Variants in HMGA2 observed in about 807,000 individuals in gnomAD.
HMGA2 encodes high mobility group AT-hook 2.
A neutral mutation model predicts 19.1 loss-of-function variants in HMGA2; 8 were observed. The observed-to-expected ratio is 0.42, with a 90% confidence interval of 0.25 to 0.76. The LOEUF is 0.76. Among genes scored for constraint, HMGA2 ranks in the 30% least tolerant of loss-of-function variants. The pLI is 0.28. For synonymous variants in HMGA2, 60 were observed against 48.8 expected (o/e 1.23, Z -0.96); for missense variants, 109 against 136.3 (o/e 0.80, Z 1.00).
chr12:65,943,557 A>C (rs1323040671), intron 3 of HMGA2, among the ~76,000 whole-genome samples: 3 of 152,202 alleles, frequency 2.0e-5, no homozygotes, highest in Non-Finnish European at 2.9e-5. Context: ...TACTTTTGAA[A>C]TGATGCTTAC....
intron 2 of HMGA2, among the ~76,000 whole-genome samples, chr12:65,831,455 TA>T (rs201721319): frequency 0.046 from 6,795 of 147,302 alleles, 215 homozygotes; most frequent in Middle Eastern, 0.077. Context: ...AAAATGAAAA[TA>T]AAAAAAAAAG....
intron 3 of HMGA2, among the ~76,000 whole-genome samples, chr12:65,923,359 C>G (rs79606249): frequency 6.6e-6 from 1 of 152,128 alleles, no homozygotes; most frequent in Non-Finnish European, 1.5e-5. Flanking sequence ...GTTCTGAAGA[C>G]TGGGGGTTAG....
intron 4 of HMGA2, among the ~76,000 whole-genome samples, chr12:65,962,613 GCA>G (rs1231788281): frequency 2.0e-5 from 3 of 152,164 alleles, no homozygotes; most frequent in Non-Finnish European, 4.4e-5. Context: ...CACTGCCTCT[GCA>G]CAGTGGTGTA....
chr12:65,940,688 T>A (rs1305194299), intron 3 of HMGA2, among the ~76,000 whole-genome samples: 1 of 152,088 alleles, frequency 6.6e-6, no homozygotes, highest in African/African-American at 2.4e-5. Flanking sequence ...TGTAGAATAG[T>A]GAGAAGGGAA....
chr12:65,910,994 C>T (rs1184940710), intron 3 of HMGA2, among the ~76,000 whole-genome samples: 2 of 152,154 alleles, frequency 1.3e-5, no homozygotes, highest in African/African-American at 4.8e-5. Context: ...TCACCTTTAT[C>T]CTTTCAGCAC....
chr12:65,921,127 T>C lies in HMGA2; in HGVS notation c.250-30256T>C, dbSNP rs138426533. On this transcript the variant is annotated intron_variant, in intron 3 of 4. Coordinates refer to ENST00000403681, the MANE Select transcript of HMGA2 (RefSeq NM_003483.6). Reference sequence around the variant, plus strand: ...TTTTTAGCAAAGAGACTGGTGGCATTTTGCCACTGCCCTAGAGATTTGTGG... The same window carrying C: ...TTTTTAGCAAAGAGACTGGTGGCATCTTGCCACTGCCCTAGAGATTTGTGG... Among the ~76,000 whole-genome samples the C allele has an allele frequency of 1.9e-3, 285 of 152,322 alleles. 2 individuals carry two copies. The highest frequency in any genetic ancestry group is 0.01 in the Middle Eastern group (3 of 294).
rs549860591 is a variant in HMGA2 at position 65,836,304 on chromosome 12, A to C, written c.199-2215A>C. ...AACCCGGGAGGCGCAGCTTGCAGTG[A>C]GCAGAGACCGCGTCACTGCACTCCA... On this transcript the variant is annotated intron_variant, in intron 2 of 4. Coordinates refer to ENST00000403681, the MANE Select transcript of HMGA2 (RefSeq NM_003483.6). 2.1e-3 allele frequency among the ~76,000 whole-genome samples: 313 copies of C among 151,760 alleles called. 1 individual carries two copies. Among genetic ancestry groups the C allele is most frequent in the African/African-American group, 6.9e-3 (285 of 41,348 alleles).
chr12:65,828,270 C>A, intron 2 of HMGA2, 183 bp downstream of exon 2: 1 of 471,904 alleles, frequency 2.1e-6, no homozygotes, highest in Non-Finnish European at 4.0e-6. Flanking sequence ...AGATGCTCAG[C>A]ATAAAAAGTT....
intron 3 of HMGA2, among the ~76,000 whole-genome samples, chr12:65,917,331 A>G (rs1344821846): frequency 6.6e-6 from 1 of 152,198 alleles, no homozygotes; most frequent in East Asian, 1.9e-4. Context: ...GCCGCTAAGA[A>G]GTTAAGTAAG....
intron 3 of HMGA2, among the ~76,000 whole-genome samples, chr12:65,888,191 C>T (rs1342614152): frequency 6.6e-6 from 1 of 152,080 alleles, no homozygotes; most frequent in Non-Finnish European, 1.5e-5. Context: ...TGCAGTGGCA[C>T]ACACCTGTAA....
At chr12:65,834,543 TTTCC>T (rs1282580653) in intron 2 of HMGA2, among the ~76,000 whole-genome samples, 4 of 148,294 alleles carry the variant, frequency 2.7e-5, no homozygotes, top group East Asian at 2.0e-4. Flanking sequence ...CCTTCCTTTT[TTTCC>T]TTCCTTCCTT....
chr12:65,915,392 A>C (rs1035410893), intron 3 of HMGA2: 2 of 1,297,006 alleles, frequency 1.5e-6, no homozygotes, highest in African/African-American at 3.0e-5. Context: ...ATGCAGAGCC[A>C]TGCCTGCGGG....
intron 3 of HMGA2, among the ~76,000 whole-genome samples, chr12:65,887,021 T>C (rs1237503559): frequency 6.6e-6 from 1 of 152,192 alleles, no homozygotes; most frequent in Non-Finnish European, 1.5e-5. Context: ...AAATGCATGT[T>C]CCCCATGGCT....
At chr12:65,908,067 G>A (rs553450150) in intron 3 of HMGA2, among the ~76,000 whole-genome samples, 31 of 152,274 alleles carry the variant, frequency 2.0e-4, no homozygotes, top group African/African-American at 7.5e-4. Flanking sequence ...CACACTCTTT[G>A]TGGAGAAAAG....
At chr12:65,911,730 C>T (rs1271384585) in intron 3 of HMGA2, among the ~76,000 whole-genome samples, 1 of 152,108 alleles carries the variant, frequency 6.6e-6, no homozygotes, top group African/African-American at 2.4e-5. Flanking sequence ...CTTGTCATAC[C>T]TGAGATGATG....
intron 3 of HMGA2, chr12:65,882,085 C>T (rs1873438550): frequency 5.5e-6 from 3 of 547,924 alleles, no homozygotes; most frequent in South Asian, 3.8e-5. Context: ...GGGGAATGAG[C>T]GTGGAAACCC....
intron 3 of HMGA2, among the ~76,000 whole-genome samples, chr12:65,877,954 C>T (rs1184251373): frequency 1.3e-5 from 2 of 152,184 alleles, no homozygotes; most frequent in African/African-American, 2.4e-5. Context: ...CAAGCATGAA[C>T]ATACTGCATT....
intron 3 of HMGA2, among the ~76,000 whole-genome samples, chr12:65,861,638 A>C (rs1872076909): frequency 1.3e-5 from 2 of 151,066 alleles, no homozygotes; most frequent in Non-Finnish European, 3.0e-5. Flanking sequence ...AAAAAAAAAA[A>C]AAACCTAGAT....
intron 3 of HMGA2, among the ~76,000 whole-genome samples, chr12:65,928,765 G>C (rs1157525002): frequency 6.6e-6 from 1 of 152,146 alleles, no homozygotes; most frequent in Non-Finnish European, 1.5e-5. Flanking sequence ...CAAAATGTCA[G>C]TAGGCAATAG....
Sources: allele counts gnomAD v4.1 joint callset (sites outside exome capture counted in the v4.1 genomes callset), GRCh38; gene constraint gnomAD v4.1.1; transcripts MANE v1.5; gene names NCBI Gene and HGNC (gene_info 2026-07-23, HGNC 2026-07-21).